DOCK3: variants seen among roughly 807,000 people sequenced by gnomAD.
DOCK3 encodes the protein dedicator of cytokinesis 3.
Under a neutral mutation model 265.6 loss-of-function variants are expected in DOCK3, and 60 were observed. The observed-to-expected ratio is 0.23, with a 90% CI of 0.18 to 0.28. The LOEUF (loss-of-function observed/expected upper bound fraction) is 0.28, where lower values mean the gene tolerates loss of function less well. DOCK3 is among the 10% of genes least tolerant of loss of function. DOCK3 has a pLI of 1.00. For synonymous variants in DOCK3, 881 were observed against 938.0 expected (o/e 0.94, Z 1.11); for missense variants, 1,981 against 2,594.3 (o/e 0.76, Z 5.14).
chr3:51,089,381 G>A, intron 8 of DOCK3, 97 bp downstream of exon 8: 1 of 1,398,850 alleles, frequency 7.1e-7, no homozygotes, highest in Non-Finnish European at 9.9e-7. Flanking sequence ...AGACACCACT[G>A]ACTTCTTGAC....
At chr3:50,894,614 A>T (rs1026461505) in intron 4 of DOCK3, among the ~76,000 whole-genome samples, 3 of 152,164 alleles carry the variant, frequency 2.0e-5, no homozygotes, top group Non-Finnish European at 2.9e-5. Flanking sequence ...TTTTAGTATA[A>T]GAGTTAAAAG....
At chr3:51,148,227 A>G (rs904669952) in intron 10 of DOCK3, among the ~76,000 whole-genome samples, 1 of 152,172 alleles carries the variant, frequency 6.6e-6, no homozygotes, top group Non-Finnish European at 1.5e-5. Context: ...ATTTCTTTGT[A>G]GATTCTGGAT....
At chr3:50,939,598 C>G (rs1292335483) in intron 5 of DOCK3, among the ~76,000 whole-genome samples, 2 of 151,836 alleles carry the variant, frequency 1.3e-5, no homozygotes, top group African/African-American at 4.8e-5. Flanking sequence ...TAGTATAATC[C>G]ATTATATTAA....
intron 1 of DOCK3, among the ~76,000 whole-genome samples, chr3:50,747,662 G>C (rs2039528582): frequency 6.6e-6 from 1 of 152,096 alleles, no homozygotes; most frequent in Non-Finnish European, 1.5e-5. Context: ...TCAGGAATTC[G>C]AGACCAGCCT....
intron 13 of DOCK3, 126 bp from the exon 14 acceptor site, chr3:51,213,996 A>G (rs1355182807): frequency 1.5e-6 from 2 of 1,311,728 alleles, no homozygotes; most frequent in Non-Finnish European, 2.1e-6. Flanking sequence ...CTGTCTGCAT[A>G]AAAGTTTTTC....
intron 1 of DOCK3, among the ~76,000 whole-genome samples, chr3:50,756,120 TGGGCTGTCTGCATGTGC>T: frequency 6.6e-6 from 1 of 152,108 alleles, no homozygotes; most frequent in African/African-American, 2.4e-5. Flanking sequence ...TACCTTGGGG[TGGGCTGTCTGCATGTGC>T]AGTGGCCTGC....
rs1170845370 is a variant in DOCK3, at chr3:51,380,119, T to C, written c.5501-6T>C. The stretch of plus-strand genomic sequence containing the variant: ...AGCTGAGGCTCTGGTTCTGTTCCCT[T>C]TGCAGGTCATTACTCCCTACACTTT... On this transcript the variant is annotated splice_polypyrimidine_tract_variant and splice_region_variant and intron_variant, in intron 51 of 52. Transcript: ENST00000266037. The C allele has an allele frequency of 1.2e-6, 2 of 1,612,446 alleles. No homozygotes were observed. The highest frequency in any genetic ancestry group is 1.7e-6 in the Non-Finnish European group (2 of 1,179,108).
intron 5 of DOCK3, among the ~76,000 whole-genome samples, chr3:51,007,907 G>A (rs948068307): frequency 6.6e-6 from 1 of 152,138 alleles, no homozygotes; most frequent in Non-Finnish European, 1.5e-5. Flanking sequence ...TTTTTGGTCA[G>A]GTTTGTCAAA....
chr3:51,117,517 T>C (rs1241360136), intron 9 of DOCK3, among the ~76,000 whole-genome samples: 1 of 152,236 alleles, frequency 6.6e-6, no homozygotes, highest in Non-Finnish European at 1.5e-5. Context: ...TCATGTTGTT[T>C]GGAATAAGTT....
At chr3:50,771,805 T>C (rs540712005) in intron 1 of DOCK3, among the ~76,000 whole-genome samples, 21 of 152,150 alleles carry the variant, frequency 1.4e-4, no homozygotes, top group Admixed American at 1.2e-3. Context: ...GAGCTGAGAT[T>C]GCGCCACTGC....
rs1005245715 is a variant in DOCK3 at position 51,359,037 on chromosome 3, A to G, written c.4884+960A>G. On this transcript the variant is annotated intron_variant, in intron 46 of 52. Transcript: ENST00000266037. The surrounding 1 kb of genome is among the most constrained non-coding windows in gnomAD (Gnocchi z 4.8). Reference sequence around the variant, plus strand: ...AAGCCAAGTTCTCTTCTCATCACCCAGGACCACTGGACAGAAGTGGCAGGG... The same window carrying G: ...AAGCCAAGTTCTCTTCTCATCACCCGGGACCACTGGACAGAAGTGGCAGGG... Among the ~76,000 whole-genome samples the G allele has an allele frequency of 1.3e-5, 2 of 152,360 alleles. No individual in the cohort carries two copies. The highest frequency in any genetic ancestry group is 2.9e-5 in the Non-Finnish European group (2 of 68,038).
intron 5 of DOCK3, among the ~76,000 whole-genome samples, chr3:51,017,891 T>G (rs1184175838): frequency 3.3e-5 from 5 of 151,814 alleles, no homozygotes; most frequent in African/African-American, 4.9e-5. Flanking sequence ...GTTTTCTATG[T>G]CTTTTTCTTT....
At chr3:51,334,829 G>T (rs145206169) in intron 35 of DOCK3, among the ~76,000 whole-genome samples, 2 of 152,154 alleles carry the variant, frequency 1.3e-5, no homozygotes, top group Non-Finnish European at 2.9e-5. Flanking sequence ...TATTCTAGCC[G>T]CCTGTTTGAT....
At chr3:51,303,769 A>G (rs1203450139) in intron 27 of DOCK3, among the ~76,000 whole-genome samples, 1 of 152,160 alleles carries the variant, frequency 6.6e-6, no homozygotes, top group Non-Finnish European at 1.5e-5. Flanking sequence ...AGAACAGCAA[A>G]GATAGCTGCC....
At chr3:51,179,812 T>C (rs757111756) in intron 12 of DOCK3, among the ~76,000 whole-genome samples, 3 of 151,898 alleles carry the variant, frequency 2.0e-5, no homozygotes, top group Admixed American at 1.3e-4. Flanking sequence ...TTTTGGAGGC[T>C]GAGGTCAGAT....
chr3:51,380,231 C>G (rs781884097), intron 52 of DOCK3, 24 bp downstream of exon 52: 4 of 1,603,930 alleles, frequency 2.5e-6, no homozygotes, highest in Non-Finnish European at 3.4e-6. Context: ...GCGGCAGCCC[C>G]ACCAGGCTGT....
chr3:51,233,813 A>G (rs1037025608), intron 19 of DOCK3, among the ~76,000 whole-genome samples: 1 of 152,214 alleles, frequency 6.6e-6, no homozygotes, highest in Non-Finnish European at 1.5e-5. Context: ...GTTGGTGTAG[A>G]GAAAAGCTAC....
chr3:50,728,880 A>C lies in DOCK3; in HGVS notation c.38-49795A>C, dbSNP rs949987135. On this transcript the variant is annotated intron_variant, in intron 1 of 52. Transcript: ENST00000266037. ...TGGGATTACAGGTACCTGCCACCGC[A>C]TTGGGCTAATTTTTATATTTTTAGT... 2.4e-5 allele frequency among the ~76,000 whole-genome samples: 3 copies of C among 122,776 alleles called. 1 individual carries two copies. In the South Asian group the frequency reaches 9.4e-4, roughly 38 times the overall value. 80.5% of individuals were successfully genotyped at this position (122,776 alleles called of 152,430 possible). A position where few individuals can be genotyped will look rare whatever the true frequency, so the allele number is the denominator to read the frequency against.
chr3:50,975,124 C>G (rs1228489394), intron 5 of DOCK3, among the ~76,000 whole-genome samples: 1 of 148,464 alleles, frequency 6.7e-6, no homozygotes, highest in African/African-American at 2.5e-5. Context: ...TAATTGAATA[C>G]CCTTTATTTC....
Sources: gnomAD v4.1 joint callset for allele counts (sites outside exome capture counted in the v4.1 genomes callset) on GRCh38, gnomAD v4.1.1 for gene constraint, Gnocchi (gnomAD v3.1) non-coding constraint, MANE v1.5 for transcripts, NCBI Gene and HGNC (gene_info 2026-07-23, HGNC 2026-07-21) for gene names.